The following RIBC1 variants were observed in gnomAD, a reference collection of about 807,000 sequenced individuals.
The protein encoded by RIBC1 is RIB43A-like with coiled-coils protein 1.
RIBC1 carries 12 observed loss-of-function variants against 33.7 expected under a neutral mutation model. The ratio of observed to expected loss-of-function variants is 0.36; its 90% CI spans 0.23 to 0.58. RIBC1 has a LOEUF of 0.58. Ranked by LOEUF, RIBC1 falls within the 20% of genes least tolerant of loss-of-function variation. The pLI, the probability that RIBC1 is intolerant of heterozygous loss-of-function variation, is 0.81. For missense variants in RIBC1, 242 were observed against 311.6 expected (o/e 0.78, Z 1.68); for synonymous variants, 89 against 109.0 (o/e 0.82, Z 1.14).
intron 2 of RIBC1, among the ~76,000 whole-genome samples, chrX:53,425,636 G>C (rs1406145470): frequency 9.1e-6 from 1 of 110,173 alleles, no homozygotes; most frequent in Non-Finnish European, 1.9e-5. Context: ...TACCAACATG[G>C]AGACAGTTGT....
In RIBC1 at chrX:53,428,075, G is replaced by T; in HGVS notation, c.190G>T (p.Ala64Ser). The T allele has an allele frequency of 8.3e-7, 1 of 1,210,770 alleles. No homozygotes were observed. Among genetic ancestry groups the T allele is most frequent in the African/African-American group, 1.7e-5 (1 of 57,829 alleles). The change falls in exon 4 of 8, where the codon GCA (alanine) becomes TCA (serine). Residue 64 changes from alanine to serine, a missense_variant. Ala to Ser is a moderately conservative substitution (Grantham distance 99). Transcript: ENST00000375327. ...RREAAERSKE[A>S]AYGTSQVQYD... The stretch of plus-strand genomic sequence containing the variant: ...GGAAGCAGCAGAAAGAAGCAAGGAG[G>T]CAGCTTATGGTAAAAGCCAAAAGCC...
intron 2 of RIBC1, among the ~76,000 whole-genome samples, chrX:53,424,342 G>T (rs2075779101): frequency 9.1e-6 from 1 of 110,098 alleles, no homozygotes; most frequent in African/African-American, 3.3e-5. Flanking sequence ...AGGAGGCTGG[G>T]GCAGGAAGAT....
chrX:53,428,142 G>A (rs944688382), intron 4 of RIBC1, 58 bp downstream of exon 4: 9 of 1,194,522 alleles, frequency 7.5e-6, no homozygotes, highest in East Asian at 3.0e-5. Flanking sequence ...CGAGTGGGCT[G>A]AGGTAGGGCA....
Position 53,426,253 on chromosome X carries a change from C to T in RIBC1, c.1-24C>T, listed in dbSNP as rs5978132. The T allele has an allele frequency of 0.045, 47,286 of 1,054,341 alleles. 9,452 individuals carry two copies. In the African/African-American group the frequency reaches 0.67, roughly 15 times the overall value. The allele number at this position is 1,054,341 out of a possible 1,213,427, so 86.9% of individuals were successfully genotyped here. A position where few individuals can be genotyped will look rare whatever the true frequency, so the allele number is the denominator to read the frequency against. On this transcript the variant is annotated intron_variant, in intron 2 of 7. Transcript: ENST00000375327. ...AAGACGGTGGTCGGCACTGATGGGC[C>T]ATTCCACCTCCCTTTTGCTCCAGAT...
chrX:53,426,164 T>G (rs1245581366), intron 2 of RIBC1, 113 bp from the exon 3 acceptor site: 1 of 503,684 alleles, frequency 2.0e-6, no homozygotes, highest in Non-Finnish European at 3.5e-6. Flanking sequence ...GGAAGTAAAA[T>G]CAGTAGGAAT....
chrX:53,429,625 GC>G, intron 5 of RIBC1: 3 of 960,681 alleles, frequency 3.1e-6, no homozygotes, highest in Non-Finnish European at 4.0e-6. Flanking sequence ...CTCAGAAGCA[GC>G]AGAACTGACA....
chrX:53,430,389 C>T lies in RIBC1; in HGVS notation c.664-7C>T. The T allele has an allele frequency of 8.3e-7, 1 of 1,201,987 alleles. No individual in the cohort carries two copies. The highest frequency in any genetic ancestry group is 1.8e-5 in the South Asian group (1 of 56,028). On this transcript the variant is annotated splice_polypyrimidine_tract_variant and splice_region_variant and intron_variant, in intron 6 of 7. Coordinates refer to ENST00000375327, the MANE Select transcript of RIBC1 (RefSeq NM_001031745.5). ...ACCCAAATGTTTGCATTTGGGGGCT[C>T]CACCAGGCAGCTGTGCAGGCTGGGC... is the stretch of plus-strand genomic sequence containing the variant.
Position 53,431,097 on chromosome X carries a change from G to A in RIBC1, c.*109G>A. 4.5e-6 allele frequency: 5 copies of A among 1,102,297 alleles called. No individual in the cohort carries two copies. Among genetic ancestry groups the A allele is most frequent in the Non-Finnish European group, 6.1e-6 (5 of 814,375 alleles). The allele number at this position is 1,102,297 out of a possible 1,213,427, so 90.8% of individuals were successfully genotyped here. A position where few individuals can be genotyped will look rare whatever the true frequency, so the allele number is the denominator to read the frequency against. On this transcript the variant is annotated 3_prime_UTR_variant, in exon 8 of 8. Coordinates refer to ENST00000375327, the MANE Select transcript of RIBC1 (RefSeq NM_001031745.5). ...CCCACCTTCTAACCTAGGTAATAAA[G>A]TTCTGCACTCAAAATCAAGTCCACA...
intron 3 of RIBC1, 146 bp downstream of exon 3, chrX:53,426,539 C>T: frequency 2.1e-6 from 1 of 467,388 alleles, no homozygotes; most frequent in Non-Finnish European, 3.8e-6. Flanking sequence ...GGAGAGAAGG[C>T]ACCCACCCCT....
rs1569364134 is a variant in RIBC1, at chrX:53,428,374, G to T, written c.291G>T (p.Glu97Asp). 9.9e-6 allele frequency: 12 copies of T among 1,211,917 alleles called. No individual in the cohort carries two copies. The highest frequency in any genetic ancestry group is 1.3e-5 in the Non-Finnish European group (12 of 895,463). Reference protein sequence around the residue: ...RTRQLAKKVQEFREQKQQLKN... With the variant: ...RTRQLAKKVQDFREQKQQLKN... The stretch of plus-strand genomic sequence containing the variant: ...GTCAGCTGGCCAAGAAAGTCCAGGA[G>T]TTTCGGGAGCAGAAGCAGCAGCTCA... Residue 97 changes from glutamate to aspartate, a missense_variant, in exon 5 of 8, where the codon GAG becomes GAT. By Grantham distance (45) the Glu-to-Asp change is conservative. Coordinates refer to ENST00000375327, the MANE Select transcript of RIBC1 (RefSeq NM_001031745.5).
Position 53,428,353 on chromosome X carries a change from G to A in RIBC1, c.270G>A (p.Gln90=). 3 of 1,212,140 alleles carry A rather than the reference G, an allele frequency of 2.5e-6. No homozygotes were observed. Among genetic ancestry groups the A allele is most frequent in the Admixed American group, 2.2e-5 (1 of 46,065 alleles). The change falls in exon 5 of 8, where the codon CAG becomes CAA. Residue 90 remains glutamine (Q), a synonymous_variant. Transcript: ENST00000375327. The part of the protein sequence containing the change: ...LEKEEADRTR[Q]LAKKVQEFRE... ...AGGAAGAGGCAGATCGAACACGTCA[G>A]CTGGCCAAGAAAGTCCAGGAGTTTC... is the stretch of plus-strand genomic sequence containing the variant.
chrX:53,422,957 C>G lies in RIBC1; in HGVS notation c.-137C>G, dbSNP rs2075769129. 3.9e-6 allele frequency: 1 copy of G among 255,728 alleles called. No homozygotes were observed. The highest frequency in any genetic ancestry group is 7.3e-6 in the Non-Finnish European group (1 of 136,701). The allele number at this position is 255,728 out of a possible 1,213,427, so 21.1% of individuals were successfully genotyped here. A position where few individuals can be genotyped will look rare whatever the true frequency, so the allele number is the denominator to read the frequency against. On this transcript the variant is annotated 5_prime_UTR_variant, in exon 1 of 8. Transcript: ENST00000375327. ...CGGGGGAGACCTGAGCTCACGCTTG[C>G]TGAGACAGAAGTCACAGCAGGATTA...
intron 5 of RIBC1, chrX:53,429,593 T>G (rs1556893812): frequency 2.7e-6 from 2 of 743,562 alleles, no homozygotes; most frequent in Non-Finnish European, 3.5e-6. Context: ...AGATATGAAA[T>G]GATTTACCCA....
rs782143884 is a variant in RIBC1 at position 53,422,880 on chromosome X, C to T, written c.-214C>T. Reference sequence around the variant, plus strand: ...CACTTGCTCCTGCGGACCAGATCCCCGGAGGAGTTGTTGCTGGGCGGAGTC... The same window carrying T: ...CACTTGCTCCTGCGGACCAGATCCCTGGAGGAGTTGTTGCTGGGCGGAGTC... On this transcript the variant is annotated 5_prime_UTR_variant, in exon 1 of 8. Transcript: ENST00000375327. The T allele has an allele frequency of 3.4e-6, 1 of 295,034 alleles. No individual in the cohort carries two copies. The highest frequency in any genetic ancestry group is 4.9e-5 in the Admixed American group (1 of 20,610). The allele number at this position is 295,034 out of a possible 1,213,427, so 24.3% of individuals were successfully genotyped here.
chrX:53,429,652 A>C, intron 5 of RIBC1: 1 of 1,017,803 alleles, frequency 9.8e-7, no homozygotes. Context: ...ACCCAGGTCC[A>C]TTGGAGGCAT....
At chrX:53,424,096 C>T (rs2075777418) in intron 2 of RIBC1, among the ~76,000 whole-genome samples, 1 of 109,724 alleles carries the variant, frequency 9.1e-6, no homozygotes, top group Admixed American at 9.8e-5. Flanking sequence ...AGGGAGGAAG[C>T]TTGGTAGATG....
At position 53,430,534 on chromosome X, in the gene RIBC1, C is replaced by T. The variant is rs1380299601; in HGVS notation, c.802C>T (p.Arg268Trp). ...QVAQHPMAPYRVLPYCWKGMT... is the reference protein window; with the variant it reads ...QVAQHPMAPYWVLPYCWKGMT... The stretch of plus-strand genomic sequence containing the variant: ...CGCCCAACACCCTATGGCTCCCTAC[C>T]GGGTCCTGCCCTATTGCTGGAAGGG... The change falls in exon 7 of 8, where the codon CGG becomes TGG. Residue 268 changes from arginine to tryptophan, a missense_variant. Transcript: ENST00000375327. 1.7e-5 allele frequency: 20 copies of T among 1,206,940 alleles called. No homozygotes were observed. The highest frequency in any genetic ancestry group is 5.2e-5 in the African/African-American group (3 of 57,149).
chrX:53,430,510 G>A lies in RIBC1; in HGVS notation c.778G>A (p.Ala260Thr), dbSNP rs2075818063. The A allele has an allele frequency of 8.3e-7, 1 of 1,208,460 alleles. No individual in the cohort carries two copies. The highest frequency in any genetic ancestry group is 2.2e-5 in the Admixed American group (1 of 45,581). Residue 260 changes from alanine to threonine, a missense_variant, in exon 7 of 8, where the codon GCC becomes ACC. By Grantham distance (58) the Ala-to-Thr change is moderately conservative (BLOSUM62 0). Coordinates refer to ENST00000375327, the MANE Select transcript of RIBC1 (RefSeq NM_001031745.5). ...CCTACTGACTGAAAACCCCCAGGTC[G>A]CCCAACACCCTATGGCTCCCTACCG... ...SDLLTENPQV[A>T]QHPMAPYRVL...
At position 53,428,031 on chromosome X, in the gene RIBC1, T is replaced by A. The variant is rs782551226; in HGVS notation, c.146T>A (p.Val49Glu). The change falls in exon 4 of 8, where the codon GTG becomes GAG. Residue 49 changes from valine (V) to glutamate (E), a missense_variant. Physicochemically the swap from Val to Glu is moderately radical, Grantham distance 121. Coordinates refer to ENST00000375327, the MANE Select transcript of RIBC1 (RefSeq NM_001031745.5). The stretch of plus-strand genomic sequence containing the variant: ...GATGTCCAGGCCCTGAACAACCAGG[T>A]GGGAGACCGAAAGCGTCGGGAAGCA... ...GVDVQALNNQ[V>E]GDRKRREAAE... is the part of the protein sequence containing the mutation. The A allele has an allele frequency of 7.8e-5, 94 of 1,210,010 alleles. No individual in the cohort carries two copies. The highest frequency in any genetic ancestry group is 1.0e-4 in the Non-Finnish European group (90 of 895,157).
Sources: gnomAD v4.1 joint callset for allele counts (sites outside exome capture counted in the v4.1 genomes callset) on GRCh38, gnomAD v4.1.1 for gene constraint, MANE v1.5 for transcripts, NCBI Gene and HGNC (gene_info 2026-07-23, HGNC 2026-07-21) for gene names.